Variants in SOX6 observed in about 807,000 individuals in gnomAD.
The protein encoded by SOX6 is transcription factor SOX-6.
A neutral mutation model predicts 97.8 loss-of-function variants in SOX6; 11 were observed. The ratio of observed to expected loss-of-function variants is 0.11; its 90% CI spans 0.07 to 0.19. SOX6 has a LOEUF of 0.19. Among genes scored for constraint, SOX6 ranks in the 10% least tolerant of loss-of-function variants. The pLI is 1.00. For synonymous variants in SOX6, 360 were observed against 371.4 expected, an observed-to-expected ratio of 0.97 and a Z score of 0.35; for missense variants, 810 against 1,039.5, an observed-to-expected ratio of 0.78 and a Z score of 3.04.
chr11:16,262,275 A>G (rs1853925871), intron 3 of SOX6, among the ~76,000 whole-genome samples: 1 of 152,120 alleles, frequency 6.6e-6, no homozygotes, highest in Non-Finnish European at 1.5e-5. Flanking sequence ...AAAACCAGTC[A>G]GCTCTTAGTA....
rs539122523 is a variant in SOX6, at chr11:16,091,742, T to A, written c.1101+4254A>T. On this transcript the variant is annotated intron_variant, in intron 9 of 15. Transcript: ENST00000683767. The stretch of plus-strand genomic sequence containing the variant: ...TTAGTGCTTTAAGACTCTAACTATA[T>A]TCCTTTCCTCAAATCTCCCCTAAAC... Among the ~76,000 whole-genome samples the A allele has an allele frequency of 3.9e-5, 6 of 152,160 alleles. No homozygotes were observed. The East Asian group carries it at 1.2e-3, about 29-fold the overall frequency.
At chr11:16,246,971 T>C (rs781433559) in intron 3 of SOX6, among the ~76,000 whole-genome samples, 11 of 152,124 alleles carry the variant, frequency 7.2e-5, no homozygotes, top group Non-Finnish European at 1.3e-4. Flanking sequence ...TCATTAACTA[T>C]AGAAACCCTC....
intron 3 of SOX6, chr11:16,318,074 A>T (rs1276681877): frequency 2.5e-6 from 1 of 403,492 alleles, no homozygotes; most frequent in Non-Finnish European, 4.8e-6. Context: ...CTTTTTAAAC[A>T]GTTGACATTT....
At chr11:16,431,828 C>T (rs1859277611) in intron 1 of SOX6, among the ~76,000 whole-genome samples, 1 of 152,028 alleles carries the variant, frequency 6.6e-6, no homozygotes, top group South Asian at 2.1e-4. Context: ...TTATACAAGG[C>T]ATTATTATCA....
chr11:16,200,778 A>C (rs1851913875), intron 4 of SOX6, among the ~76,000 whole-genome samples: 1 of 152,110 alleles, frequency 6.6e-6, no homozygotes, highest in Non-Finnish European at 1.5e-5. Flanking sequence ...TGGTTCTCCA[A>C]ACCTATAACA....
chr11:16,177,621 A>ATCTCTCTCTCTCTC (rs71044087), intron 6 of SOX6, among the ~76,000 whole-genome samples: 276 of 145,760 alleles, frequency 1.9e-3, no homozygotes, highest in African/African-American at 1.8e-3. Flanking sequence ...GAATAAGATG[A>ATCTCTCTCTCTCTC]TCTCTCTCTC....
intron 1 of SOX6, among the ~76,000 whole-genome samples, chr11:16,412,267 C>T (rs1858836381): frequency 6.6e-6 from 1 of 152,058 alleles, no homozygotes; most frequent in African/African-American, 2.4e-5. Context: ...ATCATAAAAC[C>T]CATACTCCTT....
At chr11:16,291,752 G>A (rs542621683) in intron 3 of SOX6, among the ~76,000 whole-genome samples, 3 of 152,172 alleles carry the variant, frequency 2.0e-5, no homozygotes, top group South Asian at 4.1e-4. Context: ...ATATCAGCGA[G>A]GAGAATTATA....
At chr11:16,691,981 T>C (rs1848016389) in intron 3 of SOX6, among the ~76,000 whole-genome samples, 1 of 152,100 alleles carries the variant, frequency 6.6e-6, no homozygotes, top group South Asian at 2.1e-4. Flanking sequence ...AGGTTGTCCG[T>C]CTCTCTTTAA....
At chr11:16,233,629 G>C (rs1402648468) in intron 4 of SOX6, among the ~76,000 whole-genome samples, 2 of 152,080 alleles carry the variant, frequency 1.3e-5, no homozygotes, top group African/African-American at 2.4e-5. Context: ...GCCAGGTACT[G>C]TTCTAAGAAC....
chr11:15,987,725 A>C (rs1853906240), intron 14 of SOX6, among the ~76,000 whole-genome samples: 1 of 151,816 alleles, frequency 6.6e-6, no homozygotes, highest in Non-Finnish European at 1.5e-5. Context: ...TAACTAGAAA[A>C]AAAAAAATGT....
At chr11:16,448,863 C>T (rs1299906198) in intron 1 of SOX6, among the ~76,000 whole-genome samples, 2 of 152,032 alleles carry the variant, frequency 1.3e-5, no homozygotes, top group African/African-American at 4.8e-5. Context: ...AAGATCCTGT[C>T]TTTACAAAAA....
At chr11:16,268,844 T>G (rs1187692706) in intron 3 of SOX6, among the ~76,000 whole-genome samples, 1 of 151,088 alleles carries the variant, frequency 6.6e-6, no homozygotes, top group Non-Finnish European at 1.5e-5. Flanking sequence ...CCTTTATTTT[T>G]TATATATGGA....
At chr11:16,135,300 G>T (rs1295875046) in intron 6 of SOX6, among the ~76,000 whole-genome samples, 1 of 152,126 alleles carries the variant, frequency 6.6e-6, no homozygotes, top group Non-Finnish European at 1.5e-5. Context: ...ATGGATCAAG[G>T]AATAATTTCA....
chr11:16,579,984 G>A (rs1043273789), intron 4 of SOX6, among the ~76,000 whole-genome samples: 1 of 152,048 alleles, frequency 6.6e-6, no homozygotes, highest in Non-Finnish European at 1.5e-5. Context: ...TAGCCTAAAT[G>A]CTCTATTTGT....
At chr11:16,545,651 G>C (rs1847612171) in intron 4 of SOX6, among the ~76,000 whole-genome samples, 1 of 152,054 alleles carries the variant, frequency 6.6e-6, no homozygotes, top group South Asian at 2.1e-4. Context: ...ACCCAAATTG[G>C]AAAAGAAGAA....
chr11:16,057,008 G>A (rs1847832404), intron 9 of SOX6, among the ~76,000 whole-genome samples: 1 of 152,106 alleles, frequency 6.6e-6, no homozygotes, highest in Non-Finnish European at 1.5e-5. Context: ...AATGTACAGT[G>A]CACAGTCTCC....
At chr11:16,478,532 G>A (rs1050930358), upstream of SOX6, among the ~76,000 whole-genome samples, 14 of 152,254 alleles carry the variant, frequency 9.2e-5, no homozygotes, top group Admixed American at 9.2e-4. Flanking sequence ...GTCCAGTCGT[G>A]CTACATATGT....
At chr11:16,142,092 G>A (rs1472114614) in intron 6 of SOX6, among the ~76,000 whole-genome samples, 1 of 152,144 alleles carries the variant, frequency 6.6e-6, no homozygotes, top group Non-Finnish European at 1.5e-5. Context: ...GCCTAACTGG[G>A]AGGCACCCCC....
Sources: allele counts gnomAD v4.1 joint callset (sites outside exome capture counted in the v4.1 genomes callset), GRCh38; gene constraint gnomAD v4.1.1; transcripts MANE v1.5; gene names NCBI Gene and HGNC (gene_info 2026-07-23, HGNC 2026-07-21).